KIAA1549: variants seen among roughly 807,000 people sequenced by gnomAD.
KIAA1549 encodes the protein KIAA1549, also known as UPF0606 protein KIAA1549.
Under a neutral mutation model 156.4 loss-of-function variants are expected in KIAA1549, and 70 were observed. The ratio of observed to expected loss-of-function variants is 0.45; its 90% CI spans 0.37 to 0.55. The LOEUF (loss-of-function observed/expected upper bound fraction) is 0.55, where lower values mean the gene tolerates loss of function less well. Among genes scored for constraint, KIAA1549 ranks in the 20% least tolerant of loss-of-function variants. KIAA1549 has a pLI of 0.00. For missense variants in KIAA1549, 2,428 were observed against 2,540.9 expected, an observed-to-expected ratio of 0.96 and a Z score of 0.96; for synonymous variants, 1,103 against 1,066.4, an observed-to-expected ratio of 1.03 and a Z score of -0.67.
chr7:138,931,046 C>T (rs927727908), intron 1 of KIAA1549, among the ~76,000 whole-genome samples: 3 of 152,112 alleles, frequency 2.0e-5, no homozygotes, highest in African/African-American at 7.2e-5. Flanking sequence ...ATGGGGAGCC[C>T]TCAGGAGAGG....
In KIAA1549 at chr7:138,835,625, C is replaced by T. The variant is rs142671878; in HGVS notation, c.*2281G>A. 1.7e-3 allele frequency: 382 copies of T among 221,860 alleles called. 1 individual carries two copies. The highest frequency in any genetic ancestry group is 7.8e-3 in the African/African-American group (348 of 44,762). 13.7% of individuals were successfully genotyped at this position (221,860 alleles called of 1,614,324 possible). On this transcript the variant is annotated 3_prime_UTR_variant, in exon 20 of 20. Transcript: ENST00000422774. Reference sequence around the variant, plus strand: ...GCTGTCACACGATTTGAATTCATTACAAGGTGTCCATAATAAAATTCTGCT... The same window carrying T: ...GCTGTCACACGATTTGAATTCATTATAAGGTGTCCATAATAAAATTCTGCT...
In KIAA1549 at chr7:138,836,219, G is replaced by A. The variant is rs1809702317; in HGVS notation, c.*1687C>T. On this transcript the variant is annotated 3_prime_UTR_variant, in exon 20 of 20. Transcript: ENST00000422774. The stretch of plus-strand genomic sequence containing the variant: ...GGTCAATGACGGTCTACATATTGAT[G>A]GTAGTCCCATAAGATTATAAAATTG... 1 of 204,048 alleles carries A rather than the reference G, an allele frequency of 4.9e-6. No homozygotes were observed. Among genetic ancestry groups the A allele is most frequent in the Admixed American group, 6.0e-5 (1 of 16,776 alleles). The allele number at this position is 204,048 out of a possible 1,614,324, so 12.6% of individuals were successfully genotyped here.
chr7:138,887,426 G>A (rs1260363715), intron 10 of KIAA1549, among the ~76,000 whole-genome samples: 5 of 152,074 alleles, frequency 3.3e-5, no homozygotes, highest in African/African-American at 7.2e-5. Flanking sequence ...CCCAAACCCC[G>A]GGGAGCAGAC....
In KIAA1549 at chr7:138,857,284, C is replaced by T. The variant is rs985028821; in HGVS notation, c.5247+3855G>A. On this transcript the variant is annotated intron_variant, in intron 16 of 19. Coordinates refer to ENST00000422774, the MANE Select transcript of KIAA1549 (RefSeq NM_001164665.2). ...CTACTAGTTCTGCTTCTCTGGAGAA[C>T]CCTGATTATTTTAAATAATAGACCC... 6.2e-4 allele frequency among the ~76,000 whole-genome samples: 94 copies of T among 152,228 alleles called. 3 individuals are homozygous for T. Among genetic ancestry groups the T allele is most frequent in the Admixed American group, 6.1e-3 (94 of 15,288 alleles).
chr7:138,892,451 T>C (rs1048226320), intron 10 of KIAA1549, among the ~76,000 whole-genome samples: 14 of 152,252 alleles, frequency 9.2e-5, no homozygotes, highest in African/African-American at 2.9e-4. Flanking sequence ...TCCAAACCTA[T>C]TGTTGATCTT....
At chr7:138,927,761 G>A (rs533943947) in intron 1 of KIAA1549, among the ~76,000 whole-genome samples, 1 of 152,296 alleles carries the variant, frequency 6.6e-6, no homozygotes, top group African/African-American at 2.4e-5. Flanking sequence ...CTTGATGGCC[G>A]CAAATCCTCA....
intron 1 of KIAA1549, among the ~76,000 whole-genome samples, chr7:138,945,741 A>G (rs547729763): frequency 4.6e-5 from 7 of 152,252 alleles, no homozygotes; most frequent in African/African-American, 1.7e-4. Context: ...AACACAGACC[A>G]CTTTAAAAGT....
intron 12 of KIAA1549, among the ~76,000 whole-genome samples, chr7:138,876,853 T>C (rs560484597): frequency 6.6e-6 from 1 of 152,328 alleles, no homozygotes; most frequent in Admixed American, 6.5e-5. Context: ...TGGATGGCCA[T>C]GAGGGTATGT....
intron 1 of KIAA1549, among the ~76,000 whole-genome samples, chr7:138,966,032 G>A (rs1377983591): frequency 1.3e-5 from 2 of 152,074 alleles, no homozygotes; most frequent in African/African-American, 4.8e-5. Context: ...ATCATTTGCT[G>A]GGAACACTGT....
intron 12 of KIAA1549, among the ~76,000 whole-genome samples, chr7:138,874,648 G>A (rs1811029092): frequency 6.6e-6 from 1 of 152,160 alleles, no homozygotes; most frequent in South Asian, 2.1e-4. Flanking sequence ...TAGACTAGAG[G>A]TTACTTGAGG....
intron 1 of KIAA1549, among the ~76,000 whole-genome samples, chr7:138,960,298 T>G (rs986568148): frequency 1.2e-4 from 10 of 85,166 alleles, no homozygotes; most frequent in African/African-American, 5.3e-4. Flanking sequence ...TTTATTGATT[T>G]ATTGATTTAT....
At chr7:138,907,320 T>C (rs1812036289) in intron 5 of KIAA1549, among the ~76,000 whole-genome samples, 1 of 152,192 alleles carries the variant, frequency 6.6e-6, no homozygotes, top group South Asian at 2.1e-4. Context: ...ACTGAGCACA[T>C]GTACAGCTCC....
chr7:138,905,587 ATTCTT>A (rs1381249382), intron 6 of KIAA1549, among the ~76,000 whole-genome samples: 27 of 152,370 alleles, frequency 1.8e-4, no homozygotes, highest in Admixed American at 1.1e-3. Flanking sequence ...CTGTAAAGTT[ATTCTT>A]TTTAGTTTAA....
At chr7:138,967,731 G>A (rs910442834) in intron 1 of KIAA1549, among the ~76,000 whole-genome samples, 2 of 152,120 alleles carry the variant, frequency 1.3e-5, no homozygotes, top group Non-Finnish European at 2.9e-5. Context: ...GGATGCTGAG[G>A]TGAGGTAAGG....
chr7:138,901,504 T>C lies in KIAA1549; in HGVS notation c.3669+2084A>G, dbSNP rs144850611. ...CCATGCCCAGATAATTTTTGTGTTT[T>C]TAGTAGAGATGAGGTTTCACCATGT... On this transcript the variant is annotated intron_variant, in intron 8 of 19. Transcript: ENST00000422774. Among the ~76,000 whole-genome samples the C allele has an allele frequency of 8.8e-3, 1,346 of 152,158 alleles. 16 individuals carry two copies. The highest frequency in any genetic ancestry group is 0.031 in the African/African-American group (1,278 of 41,478).
At chr7:138,894,709 T>C (rs574842022) in intron 9 of KIAA1549, among the ~76,000 whole-genome samples, 183 bp from the exon 10 acceptor site, 1 of 152,176 alleles carries the variant, frequency 6.6e-6, no homozygotes, top group Non-Finnish European at 1.5e-5. Context: ...CAATGTTACA[T>C]CTAGAATACA....
intron 14 of KIAA1549, 138 bp from the exon 15 acceptor site, chr7:138,868,266 G>C: frequency 1.3e-6 from 1 of 796,348 alleles, no homozygotes; most frequent in South Asian, 1.7e-5. Context: ...CGCCATGTAC[G>C]AGACAGTCTC....
intron 6 of KIAA1549, among the ~76,000 whole-genome samples, chr7:138,905,628 G>A (rs1169531780): frequency 6.6e-6 from 1 of 151,894 alleles, no homozygotes; most frequent in Admixed American, 6.6e-5. Flanking sequence ...AATACACTAC[G>A]AATCATTAGG....
intron 1 of KIAA1549, among the ~76,000 whole-genome samples, chr7:138,974,333 G>A (rs1308976836): frequency 6.6e-6 from 1 of 151,906 alleles, no homozygotes; most frequent in Non-Finnish European, 1.5e-5. Context: ...TGGGAGAAGA[G>A]TCCTGAAAGA....
Sources: allele counts gnomAD v4.1 joint callset (sites outside exome capture counted in the v4.1 genomes callset), GRCh38; gene constraint gnomAD v4.1.1; transcripts MANE v1.5; gene names NCBI Gene and HGNC (gene_info 2026-07-23, HGNC 2026-07-21).